LCORL: variants seen among roughly 807,000 people sequenced by gnomAD.
The protein encoded by LCORL is ligand dependent nuclear receptor corepressor like.
Under a neutral mutation model 141.8 loss-of-function variants are expected in LCORL, and 41 were observed. The observed-to-expected ratio is 0.29, with a 90% CI of 0.23 to 0.38. LCORL has a LOEUF of 0.38. Ranked by LOEUF, LCORL falls within the 10% of genes least tolerant of loss-of-function variation. The pLI, the probability that LCORL is intolerant of heterozygous loss-of-function variation, is 1.00. For missense variants in LCORL, 1,759 were observed against 2,035.0 expected, an observed-to-expected ratio of 0.86 and a Z score of 2.61; for synonymous variants, 618 against 694.1, an observed-to-expected ratio of 0.89 and a Z score of 1.72.
At position 17,901,164 on chromosome 4, in the gene LCORL, A is replaced by G. The variant is rs895697435; in HGVS notation, c.682+7930T>C. 1.1e-4 allele frequency among the ~76,000 whole-genome samples: 16 copies of G among 149,730 alleles called. No homozygotes were observed. The South Asian group carries it at 2.3e-3, about 22-fold the overall frequency. On this transcript the variant is annotated intron_variant, in intron 5 of 7. Coordinates refer to ENST00000635767, the Ensembl canonical transcript of LCORL. ...AATATATTCTGTGGCTTATATGAAG[A>G]AAAAAAAAAGAAATCTGCTTCCAAA...
intron 1 of LCORL, among the ~76,000 whole-genome samples, chr4:18,016,571 A>G (rs1724670973): frequency 6.6e-6 from 1 of 152,158 alleles, no homozygotes; most frequent in African/African-American, 2.4e-5. Flanking sequence ...AAGCCACCTA[A>G]AATGTGTCTA....
chr4:17,915,006 G>A (rs545314674), intron 4 of LCORL, among the ~76,000 whole-genome samples: 110 of 152,242 alleles, frequency 7.2e-4, no homozygotes, highest in Non-Finnish European at 1.4e-3. Context: ...ATAAATGAAT[G>A]AAGTTTTCAT....
intron 4 of LCORL, among the ~76,000 whole-genome samples, chr4:17,932,494 A>G (rs550090169): frequency 6.6e-6 from 1 of 152,274 alleles, no homozygotes; most frequent in East Asian, 1.9e-4. Flanking sequence ...TAAATAATAC[A>G]TAAGTGACAC....
At chr4:17,929,545 G>A (rs922473655) in intron 4 of LCORL, among the ~76,000 whole-genome samples, 1 of 152,082 alleles carries the variant, frequency 6.6e-6, no homozygotes, top group Non-Finnish European at 1.5e-5. Context: ...AAATTATGCT[G>A]GGATGACTGG....
intron 5 of LCORL, among the ~76,000 whole-genome samples, chr4:17,891,503 A>T (rs370371628): frequency 6.6e-6 from 1 of 152,104 alleles, no homozygotes; most frequent in Non-Finnish European, 1.5e-5. Context: ...TTTTAAAAAC[A>T]CTAAATATTT....
chr4:17,883,426 C>T (rs1256753141), intron 6 of LCORL: 2 of 1,130,802 alleles, frequency 1.8e-6, no homozygotes, highest in African/African-American at 3.2e-5. Flanking sequence ...ATGCTATTGA[C>T]TACTAAAGAA....
intron 2 of LCORL, among the ~76,000 whole-genome samples, chr4:17,968,314 T>C (rs1441050109): frequency 6.6e-6 from 1 of 152,212 alleles, no homozygotes; most frequent in Non-Finnish European, 1.5e-5. Context: ...TTAGATTCTC[T>C]GGCTTTAATT....
chr4:17,978,463 G>A (rs1253292907), intron 1 of LCORL, among the ~76,000 whole-genome samples: 2 of 151,990 alleles, frequency 1.3e-5, no homozygotes, highest in East Asian at 3.9e-4. Context: ...GCCCAGAGTG[G>A]TGGCACACAC....
At chr4:17,949,003 A>G (rs16896101) in intron 4 of LCORL, among the ~76,000 whole-genome samples, 36,123 of 151,944 alleles carry the variant, frequency 0.24, 5,481 homozygotes, top group African/African-American at 0.43. Context: ...GGGGTTTAAC[A>G]GATATCTGGC....
intron 5 of LCORL, chr4:17,893,534 T>G: frequency 1.0e-6 from 1 of 985,356 alleles, no homozygotes; most frequent in Non-Finnish European, 1.2e-6. Context: ...GTAGATATTC[T>G]TCAGAAAATG....
chr4:17,912,241 AT>A, intron 4 of LCORL: 1 of 723,188 alleles, frequency 1.4e-6, no homozygotes. Context: ...GGAGAGCAAC[AT>A]TATGGGCTCC....
intron 5 of LCORL, among the ~76,000 whole-genome samples, chr4:17,889,564 C>T (rs1194044781): frequency 6.6e-6 from 1 of 151,954 alleles, no homozygotes; most frequent in Non-Finnish European, 1.5e-5. Flanking sequence ...TTTTTGTTAG[C>T]AGTATTAACC....
intron 7 of LCORL, among the ~76,000 whole-genome samples, chr4:17,850,855 A>T (rs896406576): frequency 1.3e-5 from 2 of 151,832 alleles, no homozygotes; most frequent in African/African-American, 2.4e-5. Context: ...ACTATTCACA[A>T]TAGCAAAGAC....
intron 1 of LCORL, among the ~76,000 whole-genome samples, chr4:17,997,633 G>A (rs115218645): frequency 0.013 from 1,918 of 152,134 alleles, 14 homozygotes; most frequent in Non-Finnish European, 0.019. Context: ...GTTTTATTGA[G>A]CTCCCAATAA....
intron 5 of LCORL, among the ~76,000 whole-genome samples, chr4:17,896,370 G>A (rs111471400): frequency 3.3e-5 from 5 of 151,878 alleles, no homozygotes; most frequent in African/African-American, 9.7e-5. Context: ...TGCAACCTCC[G>A]CCTCCCAGGT....
chr4:18,011,100 G>C (rs1225958093), intron 1 of LCORL, among the ~76,000 whole-genome samples: 1 of 152,066 alleles, frequency 6.6e-6, no homozygotes, highest in African/African-American at 2.4e-5. Flanking sequence ...CTGAGCCTAG[G>C]ACTGGATGGA....
chr4:17,912,091 A>G, intron 4 of LCORL: 1 of 732,776 alleles, frequency 1.4e-6, no homozygotes, highest in Non-Finnish European at 2.5e-6. Context: ...TTACTTCAAG[A>G]CCACCAAGGA....
chr4:17,846,748 G>A (rs1477045390), intron 7 of LCORL, among the ~76,000 whole-genome samples: 1 of 152,088 alleles, frequency 6.6e-6, no homozygotes, highest in Non-Finnish European at 1.5e-5. Context: ...GTTCCTAAAT[G>A]TTCCCACATA....
rs1714140112 is a variant in LCORL, at chr4:17,962,954, T to C, written c.300+16A>G. Reference sequence around the variant, plus strand: ...GTGCATTAGTTTAAAGATAATTTCATAGCACTAAAACTTACACTGACTGCT... The same window carrying C: ...GTGCATTAGTTTAAAGATAATTTCACAGCACTAAAACTTACACTGACTGCT... On this transcript the variant is annotated intron_variant, in intron 3 of 7. Transcript: ENST00000635767. 2.1e-6 allele frequency: 3 copies of C among 1,433,098 alleles called. No homozygotes were observed. Among genetic ancestry groups the C allele is most frequent in the South Asian group, 2.9e-5 (2 of 69,834 alleles). 88.8% of individuals were successfully genotyped at this position (1,433,098 alleles called of 1,614,324 possible). A position where few individuals can be genotyped will look rare whatever the true frequency, so the allele number is the denominator to read the frequency against.
Sources: allele counts gnomAD v4.1 joint callset (sites outside exome capture counted in the v4.1 genomes callset), GRCh38; gene constraint gnomAD v4.1.1; transcripts MANE v1.5; gene names NCBI Gene and HGNC (gene_info 2026-07-23, HGNC 2026-07-21).